RIMS2: variants seen among roughly 807,000 people sequenced by gnomAD.
RIMS2 encodes the protein regulating synaptic membrane exocytosis 2.
RIMS2 carries 59 observed loss-of-function variants against 174.4 expected under a neutral mutation model. The observed-to-expected ratio is 0.34, with a 90% CI of 0.27 to 0.42. The LOEUF (loss-of-function observed/expected upper bound fraction) is 0.42. RIMS2 is among the 10% of genes least tolerant of loss of function. RIMS2 has a pLI of 1.00. For missense variants in RIMS2, 1,620 were observed against 1,666.3 expected, an observed-to-expected ratio of 0.97 and a Z score of 0.48; for synonymous variants, 606 against 572.5, an observed-to-expected ratio of 1.06 and a Z score of -0.84.
chr8:103,864,641 C>T (rs755973513), intron 3 of RIMS2, among the ~76,000 whole-genome samples: 2 of 152,194 alleles, frequency 1.3e-5, no homozygotes, highest in Non-Finnish European at 2.9e-5. Flanking sequence ...TTATTGAGCA[C>T]TTGCTGTGTG....
chr8:103,903,894 T>G (rs1025972075), intron 4 of RIMS2, among the ~76,000 whole-genome samples: 2 of 152,152 alleles, frequency 1.3e-5, no homozygotes, highest in African/African-American at 4.8e-5. Context: ...TTCAGTGAGA[T>G]CCTATATATG....
At chr8:103,551,096 T>G (rs1847650526) in intron 1 of RIMS2, among the ~76,000 whole-genome samples, 1 of 152,200 alleles carries the variant, frequency 6.6e-6, no homozygotes, top group Non-Finnish European at 1.5e-5. Context: ...GAACTCATTT[T>G]ATGAGGCCAG....
intron 3 of RIMS2, among the ~76,000 whole-genome samples, chr8:103,801,637 G>A (rs1422176344): frequency 6.6e-6 from 1 of 152,054 alleles, no homozygotes; most frequent in Non-Finnish European, 1.5e-5. Context: ...GTTGTCTCAG[G>A]CTGGACTTAG....
chr8:103,596,136 C>G (rs1398665739), intron 1 of RIMS2, among the ~76,000 whole-genome samples: 1 of 151,864 alleles, frequency 6.6e-6, no homozygotes, highest in Non-Finnish European at 1.5e-5. Flanking sequence ...AAATAATAAG[C>G]CAATTAATTG....
At chr8:103,717,541 G>A (rs1389186161) in intron 2 of RIMS2, among the ~76,000 whole-genome samples, 2 of 152,178 alleles carry the variant, frequency 1.3e-5, no homozygotes, top group Non-Finnish European at 2.9e-5. Flanking sequence ...TGTGTCCAGA[G>A]TTAATGCAGG....
At chr8:103,943,412 C>A (rs1405978857) in intron 14 of RIMS2, among the ~76,000 whole-genome samples, 1 of 152,086 alleles carries the variant, frequency 6.6e-6, no homozygotes, top group African/African-American at 2.4e-5. Context: ...CACTTTAGAA[C>A]TGTATGTCTT....
chr8:104,013,333 C>T lies in RIMS2; in HGVS notation c.3045-109C>T. 3 of 859,318 alleles carry T rather than the reference C, an allele frequency of 3.5e-6. No homozygotes were observed. In the South Asian group the frequency reaches 6.2e-5, roughly 18 times the overall value. 53.2% of individuals were successfully genotyped at this position (859,318 alleles called of 1,614,324 possible). Reference sequence around the variant, plus strand: ...TGGGGAAAAGAAAAATTTTTACATACTCCATAATTTTAAACAATTACCTTT... The same window carrying T: ...TGGGGAAAAGAAAAATTTTTACATATTCCATAATTTTAAACAATTACCTTT... On this transcript the variant is annotated intron_variant, in intron 17 of 23. Transcript: ENST00000504942.
chr8:103,898,358 CAG>C (rs2099303570), intron 4 of RIMS2, among the ~76,000 whole-genome samples: 1 of 151,568 alleles, frequency 6.6e-6, no homozygotes, highest in South Asian at 2.1e-4. Flanking sequence ...TTGTCCATCC[CAG>C]GGGTATGTGA....
At chr8:103,868,515 T>C (rs1258999640) in intron 3 of RIMS2, among the ~76,000 whole-genome samples, 2 of 152,120 alleles carry the variant, frequency 1.3e-5, no homozygotes, top group African/African-American at 2.4e-5. Context: ...AAGAATCTCC[T>C]CTTGAATTGG....
At chr8:104,093,381 C>A in intron 19 of RIMS2, 90 bp from the exon 24 acceptor site, 2 of 919,244 alleles carry the variant, frequency 2.2e-6, no homozygotes, top group Non-Finnish European at 3.2e-6. Context: ...CCTCTGTGGA[C>A]AATTAAAGTG....
chr8:103,650,020 A>G (rs1442397831), intron 1 of RIMS2, among the ~76,000 whole-genome samples: 8 of 151,846 alleles, frequency 5.3e-5, no homozygotes, highest in African/African-American at 1.9e-4. Flanking sequence ...TTGAGTTTTT[A>G]GCGTTTTTGT....
chr8:103,950,847 C>T (rs1328733601), intron 14 of RIMS2, among the ~76,000 whole-genome samples: 2 of 152,282 alleles, frequency 1.3e-5, no homozygotes, highest in African/African-American at 4.8e-5. Flanking sequence ...TATTTGCATA[C>T]ATGTTCATTC....
chr8:103,759,170 A>G (rs2098075353), intron 2 of RIMS2, among the ~76,000 whole-genome samples: 1 of 152,128 alleles, frequency 6.6e-6, no homozygotes, highest in South Asian at 2.1e-4. Flanking sequence ...TACTCTTATT[A>G]TTATTTGAGA....
intron 3 of RIMS2, chr8:103,819,573 A>G: frequency 1.2e-6 from 2 of 1,613,648 alleles, no homozygotes; most frequent in Non-Finnish European, 1.7e-6. Context: ...GGGTTTTTTC[A>G]TCCCCACCAA....
chr8:103,549,643 G>A (rs913739462), intron 1 of RIMS2, among the ~76,000 whole-genome samples: 2 of 152,126 alleles, frequency 1.3e-5, no homozygotes, highest in African/African-American at 4.8e-5. Flanking sequence ...ATGTAAATGG[G>A]CTAAATGCTC....
intron 1 of RIMS2, among the ~76,000 whole-genome samples, chr8:103,628,959 C>T (rs147684078): frequency 6.6e-6 from 1 of 152,260 alleles, no homozygotes; most frequent in East Asian, 1.9e-4. Flanking sequence ...CCAACCACAG[C>T]CTGAAAAACA....
At chr8:104,014,730 T>G (rs976053048) in intron 19 of RIMS2, 115 bp downstream of exon 21, 3 of 560,532 alleles carry the variant, frequency 5.4e-6, no homozygotes, top group Non-Finnish European at 9.6e-6. Context: ...GTATGCCTTG[T>G]CTGTATTTGA....
chr8:103,562,301 G>C (rs144241364), intron 1 of RIMS2, among the ~76,000 whole-genome samples: 2 of 152,300 alleles, frequency 1.3e-5, no homozygotes, highest in Non-Finnish European at 2.9e-5. Context: ...AAGCAAATTA[G>C]TTACTTCCTA....
chr8:103,762,895 AGT>A (rs1391148150), intron 2 of RIMS2, among the ~76,000 whole-genome samples: 1 of 152,210 alleles, frequency 6.6e-6, no homozygotes, highest in East Asian at 1.9e-4. Flanking sequence ...CATAATTAAA[AGT>A]GTTTATGTAT....
Sources: gnomAD v4.1 joint callset for allele counts (sites outside exome capture counted in the v4.1 genomes callset) on GRCh38, gnomAD v4.1.1 for gene constraint, MANE v1.5 for transcripts, NCBI Gene and HGNC (gene_info 2026-07-23, HGNC 2026-07-21) for gene names.